The following HDLBP variants were observed in gnomAD, a reference collection of about 807,000 sequenced individuals.
HDLBP encodes vigilin.
Under a neutral mutation model 137.3 loss-of-function variants are expected in HDLBP, and 30 were observed. The observed-to-expected ratio is 0.22, with a 90% confidence interval of 0.16 to 0.30. The LOEUF is 0.30. Ranked by LOEUF, HDLBP falls within the 10% of genes least tolerant of loss-of-function variation. The probability of loss-of-function intolerance (pLI) is 1.00; values close to 1 mark genes in which losing one functional copy is unlikely to be tolerated. For synonymous variants in HDLBP, 606 were observed against 596.0 expected (o/e 1.02, Z -0.24); for missense variants, 1,119 against 1,667.3 (o/e 0.67, Z 5.73).
intron 1 of HDLBP, among the ~76,000 whole-genome samples, chr2:241,303,546 A>T (rs1052069304): frequency 3.3e-5 from 5 of 152,226 alleles, no homozygotes; most frequent in African/African-American, 1.2e-4. Flanking sequence ...GCTTGGTCAC[A>T]GAAGGCACCT....
Position 241,227,650 on chromosome 2 carries a change from C to G in HDLBP, c.*1951G>C, listed in dbSNP as rs1230357140. On this transcript the variant is annotated 3_prime_UTR_variant, in exon 28 of 28. Transcript: ENST00000310931. ...AAGCGACATACAGAGATGTGCAAAA[C>G]TTGGTGAGAATTAAAATTGACCTTT... The G allele has an allele frequency of 1.3e-5, 2 of 152,628 alleles. No individual in the cohort carries two copies. Among genetic ancestry groups the G allele is most frequent in the Non-Finnish European group, 2.9e-5 (2 of 68,056 alleles). The allele number at this position is 152,628 out of a possible 1,614,324, so 9.5% of individuals were successfully genotyped here. A position where few individuals can be genotyped will look rare whatever the true frequency, so the allele number is the denominator to read the frequency against.
intron 16 of HDLBP, among the ~76,000 whole-genome samples, chr2:241,243,892 T>C (rs2071474599): frequency 6.6e-6 from 1 of 151,786 alleles, no homozygotes; most frequent in African/African-American, 2.4e-5. Context: ...ATGCAAAGAA[T>C]AGGGGGAAAA....
chr2:241,314,219 A>G (rs890452132), intron 1 of HDLBP, among the ~76,000 whole-genome samples: 2 of 152,184 alleles, frequency 1.3e-5, no homozygotes, highest in Non-Finnish European at 1.5e-5. Context: ...TACTTAATGA[A>G]TTTAGCCTAG....
intron 5 of HDLBP, among the ~76,000 whole-genome samples, chr2:241,259,282 C>G (rs1488404459): frequency 1.3e-5 from 2 of 152,174 alleles, no homozygotes; most frequent in East Asian, 1.9e-4. Context: ...AAACCAGGAC[C>G]AGGAATGGCC....
intron 5 of HDLBP, among the ~76,000 whole-genome samples, chr2:241,258,557 A>G (rs1291249622): frequency 6.6e-6 from 1 of 152,010 alleles, no homozygotes; most frequent in African/African-American, 2.4e-5. Context: ...GACAACTCGA[A>G]AGCCGTATGG....
At chr2:241,273,326 C>CAA in intron 1 of HDLBP, 1 of 799,586 alleles carries the variant, frequency 1.3e-6, no homozygotes, top group Non-Finnish European at 1.5e-6. Context: ...TATCCCCACC[C>CAA]GATTCCTTGG....
intron 1 of HDLBP, among the ~76,000 whole-genome samples, chr2:241,301,503 T>G (rs2149694801): frequency 6.6e-6 from 1 of 152,326 alleles, no homozygotes; most frequent in South Asian, 2.1e-4. Context: ...GATGATGCAG[T>G]GTATTTCATT....
intron 24 of HDLBP, among the ~76,000 whole-genome samples, chr2:241,231,842 C>A (rs2069801132): frequency 6.6e-6 from 1 of 152,066 alleles, no homozygotes. Flanking sequence ...TCGGCGAAAA[C>A]AACATGTCCA....
intron 16 of HDLBP, among the ~76,000 whole-genome samples, chr2:241,245,167 C>CA (rs1183796093): frequency 6.6e-6 from 1 of 150,926 alleles, no homozygotes; most frequent in Non-Finnish European, 1.5e-5. Context: ...TAATTAAATG[C>CA]AAACATCATA....
chr2:241,273,763 C>A, intron 1 of HDLBP: 1 of 690,660 alleles, frequency 1.4e-6, no homozygotes, highest in Non-Finnish European at 1.8e-6. Flanking sequence ...GGGGTCAGGT[C>A]CGCACAGCCT....
intron 1 of HDLBP, among the ~76,000 whole-genome samples, chr2:241,283,893 T>C (rs1396151992): frequency 6.6e-6 from 1 of 152,094 alleles, no homozygotes; most frequent in Non-Finnish European, 1.5e-5. Flanking sequence ...ATTCTGAAAA[T>C]CCTAGGGGTC....
chr2:241,236,255 T>G (rs970040229), intron 21 of HDLBP: 1 of 305,270 alleles, frequency 3.3e-6, no homozygotes, highest in Non-Finnish European at 6.2e-6. Flanking sequence ...CAAGGTGAGC[T>G]AGGCCTGATA....
In HDLBP at chr2:241,248,044, C is replaced by G; in HGVS notation, c.1690G>C (p.Glu564Gln). 6.2e-7 allele frequency: 1 copy of G among 1,614,074 alleles called. No individual in the cohort carries two copies. Among genetic ancestry groups the G allele is most frequent in the South Asian group, 1.1e-5 (1 of 91,074 alleles). The part of the protein sequence containing the change: ...VQLRGPKNEV[E>Q]KCTKYMQKMV... The stretch of plus-strand genomic sequence containing the variant: ...TTCTGCATGTATTTTGTGCATTTTT[C>G]CACCTCATTCTTAGGTCCTCTGAGC... Residue 564 changes from glutamate (E) to glutamine (Q), a missense_variant, in exon 14 of 28, where the codon GAA becomes CAA. By Grantham distance (29) the Glu-to-Gln change is conservative. Coordinates refer to ENST00000310931, the MANE Select transcript of HDLBP (RefSeq NM_005336.6).
At chr2:241,276,451 A>C (rs2074389724) in intron 1 of HDLBP, among the ~76,000 whole-genome samples, 1 of 152,198 alleles carries the variant, frequency 6.6e-6, no homozygotes, top group Non-Finnish European at 1.5e-5. Flanking sequence ...AAGTAAAAGA[A>C]GCAATGAAAA....
intron 1 of HDLBP, among the ~76,000 whole-genome samples, chr2:241,296,197 G>T (rs987764717): frequency 1.6e-4 from 24 of 151,518 alleles, no homozygotes; most frequent in African/African-American, 5.8e-4. Context: ...CTAAGAAAGA[G>T]GCACTTGATG....
At chr2:241,299,885 A>AG (rs2075330290) in intron 1 of HDLBP, among the ~76,000 whole-genome samples, 2 of 151,094 alleles carry the variant, frequency 1.3e-5, no homozygotes, top group Admixed American at 1.3e-4. Flanking sequence ...ACTGCACTCC[A>AG]GCCTGGGGGA....
intron 3 of HDLBP, 161 bp downstream of exon 3, chr2:241,266,633 C>A: frequency 1.6e-6 from 1 of 612,206 alleles, no homozygotes; most frequent in Admixed American, 3.0e-5. Context: ...CGCCCCTGCA[C>A]GCACAGCAAT....
intron 1 of HDLBP, among the ~76,000 whole-genome samples, chr2:241,311,280 G>A (rs970571554): frequency 6.6e-6 from 1 of 152,172 alleles, no homozygotes; most frequent in South Asian, 2.1e-4. Context: ...AGAGACCGCG[G>A]AGCAAAATGA....
Position 241,238,871 on chromosome 2 carries a change from T to C in HDLBP, c.2611-84A>G, listed in dbSNP as rs944697433. ...GTTTTACAGCACTCTTCACACCACC[T>C]TCCTCCCTGTCCTCTACAGCCACTT... is the stretch of plus-strand genomic sequence containing the variant. On this transcript the variant is annotated intron_variant, in intron 19 of 27. Coordinates refer to ENST00000310931, the MANE Select transcript of HDLBP (RefSeq NM_005336.6). This position sits in a 1 kb window ranked among gnomAD's most constrained non-coding sequence, Gnocchi z 4.9. The C allele has an allele frequency of 2.6e-6, 3 of 1,141,918 alleles. No individual in the cohort carries two copies. The highest frequency in any genetic ancestry group is 3.6e-6 in the Non-Finnish European group (3 of 824,004). The allele number at this position is 1,141,918 out of a possible 1,614,324, so 70.7% of individuals were successfully genotyped here. A position where few individuals can be genotyped will look rare whatever the true frequency, so the allele number is the denominator to read the frequency against.
Sources: gnomAD v4.1 joint callset for allele counts (sites outside exome capture counted in the v4.1 genomes callset) on GRCh38, gnomAD v4.1.1 for gene constraint, Gnocchi (gnomAD v3.1) non-coding constraint, MANE v1.5 for transcripts, NCBI Gene and HGNC (gene_info 2026-07-23, HGNC 2026-07-21) for gene names.